The following PCDH15 variants were observed in gnomAD, a reference collection of about 807,000 sequenced individuals.
PCDH15 encodes protocadherin-15.
In PCDH15, 129 loss-of-function variants were observed where a neutral mutation model predicts 178.5. The observed-to-expected ratio is 0.72, with a 90% CI of 0.63 to 0.84. PCDH15 has a LOEUF of 0.84. PCDH15 is among the 40% of genes least tolerant of loss of function. PCDH15 has a pLI of 0.00. For synonymous variants in PCDH15, 800 were observed against 732.0 expected, an observed-to-expected ratio of 1.09 and a Z score of -1.50; for missense variants, 2,230 against 2,099.9, an observed-to-expected ratio of 1.06 and a Z score of -1.21.
Position 53,811,606 on chromosome 10 carries a change from T to C in PCDH15, c.4505A>G (p.Glu1502Gly). 6.4e-7 allele frequency: 1 copy of C among 1,560,690 alleles called. No individual in the cohort carries two copies. The highest frequency in any genetic ancestry group is 8.7e-7 in the Non-Finnish European group (1 of 1,152,782). The change falls in exon 36 of 38, where the codon GAG becomes GGG. Residue 1502 changes from glutamate (E) to glycine (G), a missense_variant. Physicochemically the swap from Glu to Gly is moderately conservative, Grantham distance 98. Coordinates refer to ENST00000644397, the MANE Select transcript of PCDH15 (RefSeq NM_001384140.1). ...TTCCTGGCCAGGATCAATTCCAGAC[T>C]CCATGGATAATTCCTATTGTTCAAA... ...SLLKPEELSM[E>G]SGIDPGQEYG... is the part of the protein sequence containing the mutation.
chr10:55,462,050 T>C (rs1839691337), intron 2 of PCDH15, among the ~76,000 whole-genome samples: 1 of 152,080 alleles, frequency 6.6e-6, no homozygotes, highest in South Asian at 2.1e-4. Flanking sequence ...TTTTACAATA[T>C]GAGACAAGGG....
At chr10:54,251,169 T>C (rs2056439399) in intron 8 of PCDH15, among the ~76,000 whole-genome samples, 1 of 152,194 alleles carries the variant, frequency 6.6e-6, no homozygotes, top group Non-Finnish European at 1.5e-5. Context: ...GCACTGCAAG[T>C]TCTACCTAAT....
chr10:55,548,220 A>G (rs918189343), intron 2 of PCDH15, among the ~76,000 whole-genome samples: 28 of 141,318 alleles, frequency 2.0e-4, no homozygotes, highest in Admixed American at 5.5e-4. Context: ...GCACACACAC[A>G]CACACACACA....
At chr10:53,825,150 C>G in intron 32 of PCDH15, 2 of 1,536,964 alleles carry the variant, frequency 1.3e-6, no homozygotes, top group East Asian at 4.8e-5. Context: ...GCCTATGTAT[C>G]CACAGGTGAG....
Position 54,696,738 on chromosome 10 carries a change from G to A in PCDH15, c.-28-32448C>T, listed in dbSNP as rs78231454. ...AATTTCCACCCTAAATTTCTACTTCGAGCTTTATTTTAGCATGCCCATTCC... is the reference window on the plus strand; with the variant it reads ...AATTTCCACCCTAAATTTCTACTTCAAGCTTTATTTTAGCATGCCCATTCC... On this transcript the variant is annotated intron_variant, in intron 1 of 37. Transcript: ENST00000644397. Among the ~76,000 whole-genome samples the A allele has an allele frequency of 8.0e-3, 1,212 of 150,932 alleles. 11 individuals are homozygous for A. Among genetic ancestry groups the A allele is most frequent in the African/African-American group, 0.027 (1,120 of 41,168 alleles).
chr10:54,435,543 T>G (rs2075325729), intron 3 of PCDH15, among the ~76,000 whole-genome samples: 1 of 152,118 alleles, frequency 6.6e-6, no homozygotes, highest in Admixed American at 6.5e-5. Flanking sequence ...GATTCCTTAT[T>G]TTAGACCTCT....
chr10:54,600,508 G>GA lies in PCDH15; in HGVS notation c.91+63663dup, dbSNP rs746904461. The GA allele has an allele frequency of 3.1e-4, 181 of 575,240 alleles. 1 individual carries two copies. Among genetic ancestry groups the GA allele is most frequent in the Middle Eastern group, 3.6e-4 (1 of 2,816 alleles). The allele number at this position is 575,240 out of a possible 1,614,324, so 35.6% of individuals were successfully genotyped here. On this transcript the variant is annotated intron_variant, in intron 2 of 37. Coordinates refer to ENST00000644397, the MANE Select transcript of PCDH15 (RefSeq NM_001384140.1). ...TAAAGTGGTGGTGACCAAAATAGTA[G>GA]AAAAAATCACCAGTGAGAGGGAGAT...
chr10:53,903,938 G>C (rs1008105890), intron 25 of PCDH15, among the ~76,000 whole-genome samples: 3 of 152,044 alleles, frequency 2.0e-5, no homozygotes, highest in Non-Finnish European at 2.9e-5. Flanking sequence ...GTCAATGTTA[G>C]AGGCTAACAT....
intron 15 of PCDH15, among the ~76,000 whole-genome samples, chr10:54,090,448 GC>G (rs2094581227): frequency 6.6e-6 from 1 of 152,094 alleles, no homozygotes; most frequent in Admixed American, 6.6e-5. Flanking sequence ...TTCAAGACTA[GC>G]CTGGCCAACA....
intron 21 of PCDH15, among the ~76,000 whole-genome samples, chr10:53,962,339 A>C (rs1001072287): frequency 6.6e-6 from 1 of 152,150 alleles, no homozygotes; most frequent in African/African-American, 2.4e-5. Context: ...TAGCCTCCCA[A>C]GTAGCTGGGA....
At chr10:54,713,935 A>C (rs2095451142) in intron 1 of PCDH15, among the ~76,000 whole-genome samples, 2 of 152,166 alleles carry the variant, frequency 1.3e-5, no homozygotes, top group South Asian at 4.1e-4. Flanking sequence ...AATGGCTCAC[A>C]TTAATTCTGT....
At chr10:54,312,440 T>A (rs983312621) in intron 8 of PCDH15, among the ~76,000 whole-genome samples, 4 of 152,068 alleles carry the variant, frequency 2.6e-5, no homozygotes, top group Non-Finnish European at 5.9e-5. Context: ...ACACCCCTCA[T>A]ATAGGGAGGT....
In PCDH15 at chr10:54,408,279, C is replaced by T. The variant is rs1952972464; in HGVS notation, c.158-29337G>A. ...GTTATCCCACAACATATAATTTCCT[C>T]TCTTAAAAGTACTATCTTTGAAATG... On this transcript the variant is annotated intron_variant, in intron 3 of 37. Coordinates refer to ENST00000644397, the MANE Select transcript of PCDH15 (RefSeq NM_001384140.1). 2.0e-5 allele frequency among the ~76,000 whole-genome samples: 3 copies of T among 151,902 alleles called. No homozygotes were observed. In the South Asian group the frequency reaches 6.2e-4, roughly 32 times the overall value.
intron 2 of PCDH15, among the ~76,000 whole-genome samples, chr10:55,093,738 A>G (rs916351971): frequency 1.3e-5 from 2 of 152,156 alleles, no homozygotes; most frequent in African/African-American, 4.8e-5. Flanking sequence ...AAAGGATATG[A>G]ATAGACAGTT....
rs78125403 is a variant in PCDH15 at position 54,211,719 on chromosome 10, A to G, written c.1098+2217T>C. ...AGTCCAACAAAAACTTTTAGGGCCA[A>G]TGAAAAAATGAAGTATTATTAAAGT... is the stretch of plus-strand genomic sequence containing the variant. On this transcript the variant is annotated intron_variant, in intron 10 of 37. Coordinates refer to ENST00000644397, the MANE Select transcript of PCDH15 (RefSeq NM_001384140.1). Among the ~76,000 whole-genome samples, 128 of 152,198 alleles carry G rather than the reference A, an allele frequency of 8.4e-4. 2 individuals are homozygous for G. In the East Asian group the frequency reaches 0.019, roughly 23 times the overall value.
chr10:54,703,647 A>C (rs2095336539), intron 1 of PCDH15, among the ~76,000 whole-genome samples: 1 of 152,108 alleles, frequency 6.6e-6, no homozygotes, highest in South Asian at 2.1e-4. Context: ...AAAAACGTAA[A>C]ATACCTAAAA....
chr10:55,579,766 C>T (rs1422236018), intron 2 of PCDH15, among the ~76,000 whole-genome samples: 1 of 152,116 alleles, frequency 6.6e-6, no homozygotes, highest in Non-Finnish European at 1.5e-5. Context: ...TCTTATTCAT[C>T]CATTCACTCA....
chr10:55,453,090 A>C (rs1014081989), intron 2 of PCDH15, among the ~76,000 whole-genome samples: 5 of 152,180 alleles, frequency 3.3e-5, no homozygotes, highest in Admixed American at 1.3e-4. Context: ...TCATATCTAA[A>C]AGTAAGAACT....
In PCDH15 at chr10:53,961,816, T is replaced by C. The variant is rs758507345; in HGVS notation, c.2945A>G (p.Glu982Gly). 6.2e-7 allele frequency: 1 copy of C among 1,611,914 alleles called. No individual in the cohort carries two copies. Residue 982 changes from glutamate (E) to glycine (G), a missense_variant, in exon 22 of 38, where the codon GAA (glutamate) becomes GGA (glycine). By Grantham distance (98) the Glu-to-Gly change is moderately conservative. Coordinates refer to ENST00000644397, the MANE Select transcript of PCDH15 (RefSeq NM_001384140.1). ...TGTTATTACTCTTCCAGAATCTTCTTCCACTTCAAAAATACTGGCAGGGTA... is the reference window on the plus strand; with the variant it reads ...TGTTATTACTCTTCCAGAATCTTCTCCCACTTCAAAAATACTGGCAGGGTA... ...FPYPASIFEV[E>G]EDSGRVITRV...
Sources: gnomAD v4.1 joint callset for allele counts (sites outside exome capture counted in the v4.1 genomes callset) on GRCh38, gnomAD v4.1.1 for gene constraint, MANE v1.5 for transcripts, NCBI Gene and HGNC (gene_info 2026-07-23, HGNC 2026-07-21) for gene names.